Variants in ZFPM2 observed in about 807,000 individuals in gnomAD.
ZFPM2 encodes the protein zinc finger protein ZFPM2.
Under a neutral mutation model 98.6 loss-of-function variants are expected in ZFPM2, and 20 were observed. The observed-to-expected ratio is 0.20, with a 90% CI of 0.14 to 0.29. The LOEUF (loss-of-function observed/expected upper bound fraction) is 0.29. Ranked by LOEUF, ZFPM2 falls within the 10% of genes least tolerant of loss-of-function variation. ZFPM2 has a pLI of 1.00. For missense variants in ZFPM2, 1,310 were observed against 1,388.6 expected, an observed-to-expected ratio of 0.94 and a Z score of 0.90; for synonymous variants, 518 against 502.7, an observed-to-expected ratio of 1.03 and a Z score of -0.41.
chr8:105,371,683 A>T (rs1364243816), intron 1 of ZFPM2, among the ~76,000 whole-genome samples: 1 of 152,226 alleles, frequency 6.6e-6, no homozygotes, highest in African/African-American at 2.4e-5. Context: ...ATGAAATTAA[A>T]ATACAAATTA....
chr8:105,629,248 A>T (rs1340853373), intron 4 of ZFPM2, among the ~76,000 whole-genome samples: 2 of 152,168 alleles, frequency 1.3e-5, no homozygotes, highest in Non-Finnish European at 1.5e-5. Flanking sequence ...CGAGGAGATG[A>T]GAGCAGCAGG....
intron 1 of ZFPM2, among the ~76,000 whole-genome samples, chr8:105,351,011 C>T (rs2129710617): frequency 6.6e-6 from 1 of 151,854 alleles, no homozygotes; most frequent in South Asian, 2.1e-4. Context: ...GGTGAAACCC[C>T]ATCTCTACTA....
chr8:105,527,529 A>T (rs1389898389), intron 3 of ZFPM2, among the ~76,000 whole-genome samples: 2 of 152,354 alleles, frequency 1.3e-5, no homozygotes, highest in African/African-American at 4.8e-5. Context: ...CATGAAGCAG[A>T]GCTGAACCAA....
chr8:105,615,112 T>C (rs1816386904), intron 4 of ZFPM2, among the ~76,000 whole-genome samples: 1 of 152,008 alleles, frequency 6.6e-6, no homozygotes, highest in Admixed American at 6.6e-5. Flanking sequence ...TGAGTGCTTA[T>C]GGAGGGAAGG....
chr8:105,556,696 CCCCTT>C (rs202163654), intron 3 of ZFPM2, among the ~76,000 whole-genome samples: 3 of 121,476 alleles, frequency 2.5e-5, no homozygotes, highest in Admixed American at 1.7e-4. Flanking sequence ...TTCCCCCTTC[CCCCTT>C]CCCTTCCCTT....
chr8:105,493,238 T>C (rs1050786215), intron 3 of ZFPM2, among the ~76,000 whole-genome samples: 1 of 152,206 alleles, frequency 6.6e-6, no homozygotes, highest in Non-Finnish European at 1.5e-5. Context: ...TCTGAGCTTC[T>C]GTTTCTTTCA....
chr8:105,790,300 A>G (rs972703077), intron 6 of ZFPM2, among the ~76,000 whole-genome samples: 17 of 151,498 alleles, frequency 1.1e-4, no homozygotes, highest in African/African-American at 4.1e-4. Context: ...AGCTTTCTAC[A>G]TATGGCTAGC....
intron 1 of ZFPM2, among the ~76,000 whole-genome samples, chr8:105,338,534 A>T (rs1187319926): frequency 6.6e-6 from 1 of 152,010 alleles, no homozygotes; most frequent in African/African-American, 2.4e-5. Flanking sequence ...TAAAAGTCTC[A>T]GTTAAATAAG....
At chr8:105,645,023 C>T (rs1278964602) in intron 5 of ZFPM2, among the ~76,000 whole-genome samples, 1 of 152,100 alleles carries the variant, frequency 6.6e-6, no homozygotes, top group African/African-American at 2.4e-5. Context: ...ATTTTAATGT[C>T]AGTTTTTTAT....
At chr8:105,409,915 C>A (rs539964813) in intron 1 of ZFPM2, among the ~76,000 whole-genome samples, 2 of 151,892 alleles carry the variant, frequency 1.3e-5, no homozygotes, top group East Asian at 3.9e-4. Context: ...CTTGGAGAAC[C>A]CTGTGGGCTG....
At chr8:105,779,936 G>C (rs1434318448) in intron 5 of ZFPM2, among the ~76,000 whole-genome samples, 1 of 152,174 alleles carries the variant, frequency 6.6e-6, no homozygotes, top group Non-Finnish European at 1.5e-5. Context: ...AAAACTTGTA[G>C]TACACGTCAC....
intron 5 of ZFPM2, among the ~76,000 whole-genome samples, chr8:105,778,063 C>T (rs1227390992): frequency 6.6e-6 from 1 of 152,118 alleles, no homozygotes; most frequent in African/African-American, 2.4e-5. Flanking sequence ...TGCCAAGGCA[C>T]AAAGAAACCT....
rs370906130 is a variant in ZFPM2, at chr8:105,482,878, TTTCC to T, written c.301+38517_301+38520del. On this transcript the variant is annotated intron_variant, in intron 3 of 7. Coordinates refer to ENST00000407775, the MANE Select transcript of ZFPM2 (RefSeq NM_012082.4). ...TTGCATCTCATTTCTTTAATCTTTCTTTCCTTCCTTCCTTCCTTCCTTCTTTCCT... is the reference window on the plus strand; with the variant it reads ...TTGCATCTCATTTCTTTAATCTTTCTTTCCTTCCTTCCTTCCTTCTTTCCT... Among the ~76,000 whole-genome samples, 520 of 151,702 alleles carry T rather than the reference TTTCC, an allele frequency of 3.4e-3. 3 individuals carry two copies. Among genetic ancestry groups the T allele is most frequent in the African/African-American group, 8.4e-3 (348 of 41,404 alleles).
At chr8:105,535,446 A>C (rs780257047) in intron 3 of ZFPM2, among the ~76,000 whole-genome samples, 97 of 152,114 alleles carry the variant, frequency 6.4e-4, no homozygotes, top group Non-Finnish European at 1.1e-3. Context: ...TCAAAAACTC[A>C]CTCGTATGTT....
Position 105,318,987 on chromosome 8 carries a change from T to A in ZFPM2, c.40+6T>A, listed in dbSNP as rs1811965237. Reference sequence around the variant, plus strand: ...CAAACCCCGGCAGATCAAACGTAAGTTTGCGCGCGGGGCCGGGAGTTGGTG... The same window carrying A: ...CAAACCCCGGCAGATCAAACGTAAGATTGCGCGCGGGGCCGGGAGTTGGTG... On this transcript the variant is annotated splice_donor_region_variant and intron_variant, in intron 1 of 7. Coordinates refer to ENST00000407775, the MANE Select transcript of ZFPM2 (RefSeq NM_012082.4). The A allele has an allele frequency of 2.0e-6, 3 of 1,489,044 alleles. No individual in the cohort carries two copies. The highest frequency in any genetic ancestry group is 2.7e-6 in the Non-Finnish European group (3 of 1,111,576). The allele number at this position is 1,489,044 out of a possible 1,614,324, so 92.2% of individuals were successfully genotyped here. A position where few individuals can be genotyped will look rare whatever the true frequency, so the allele number is the denominator to read the frequency against.
At chr8:105,637,724 T>C (rs956558468) in intron 5 of ZFPM2, among the ~76,000 whole-genome samples, 2 of 152,182 alleles carry the variant, frequency 1.3e-5, no homozygotes, top group African/African-American at 4.8e-5. Flanking sequence ...CGGGAGGCAC[T>C]CCTACTCGTA....
At chr8:105,716,135 G>A (rs191610974) in intron 5 of ZFPM2, among the ~76,000 whole-genome samples, 4 of 150,546 alleles carry the variant, frequency 2.7e-5, no homozygotes, top group African/African-American at 7.3e-5. Context: ...GACATTCTTT[G>A]TTTTATTTAC....
chr8:105,699,684 A>G (rs1811097501), intron 5 of ZFPM2, among the ~76,000 whole-genome samples: 1 of 152,150 alleles, frequency 6.6e-6, no homozygotes, highest in African/African-American at 2.4e-5. Context: ...ACTGTGATCA[A>G]ATATTGATCA....
At chr8:105,629,811 A>T (rs1446923409) in intron 4 of ZFPM2, among the ~76,000 whole-genome samples, 1 of 152,110 alleles carries the variant, frequency 6.6e-6, no homozygotes, top group East Asian at 1.9e-4. Flanking sequence ...CCCCATCTTT[A>T]AAGGTAGCAA....
Sources: allele counts gnomAD v4.1 joint callset (sites outside exome capture counted in the v4.1 genomes callset), GRCh38; gene constraint gnomAD v4.1.1; transcripts MANE v1.5; gene names NCBI Gene and HGNC (gene_info 2026-07-23, HGNC 2026-07-21).